The following TECRL variants were observed in gnomAD, a reference collection of about 807,000 sequenced individuals.
The protein encoded by TECRL is trans-2,3-enoyl-CoA reductase like.
In TECRL, 63 loss-of-function variants were observed where a neutral mutation model predicts 52.8. The observed-to-expected ratio is 1.19, with a 90% CI of 0.97 to 1.47. TECRL has a LOEUF of 1.47. TECRL is among the 40% of genes most tolerant of loss of function. The probability of loss-of-function intolerance (pLI) is 0.00; values close to 1 mark genes in which losing one functional copy is unlikely to be tolerated. For synonymous variants in TECRL, 164 were observed against 141.9 expected (o/e 1.16, Z -1.10); for missense variants, 482 against 429.6 (o/e 1.12, Z -1.08).
intron 2 of TECRL, among the ~76,000 whole-genome samples, chr4:64,358,036 T>A (rs1720897167): frequency 6.6e-6 from 1 of 151,606 alleles, no homozygotes; most frequent in Non-Finnish European, 1.5e-5. Flanking sequence ...CTAAATGAAG[T>A]CTCTTTTCTG....
At chr4:64,340,268 C>T (rs1719462776) in intron 2 of TECRL, among the ~76,000 whole-genome samples, 1 of 152,188 alleles carries the variant, frequency 6.6e-6, no homozygotes, top group Admixed American at 6.5e-5. Flanking sequence ...ACCCCAGCCT[C>T]TCACTCCATG....
rs115392918 is a variant in TECRL at position 64,372,269 on chromosome 4, G to A, written c.286+2903C>T. 9.6e-3 allele frequency among the ~76,000 whole-genome samples: 1,459 copies of A among 151,850 alleles called. 25 individuals carry two copies. Among genetic ancestry groups the A allele is most frequent in the African/African-American group, 0.034 (1,392 of 41,518 alleles). On this transcript the variant is annotated intron_variant, in intron 2 of 11. Coordinates refer to ENST00000381210, the MANE Select transcript of TECRL (RefSeq NM_001010874.5). ...AAGACCAACTGAGGATTTGCAGCTG[G>A]GGACATTTCATGCATTTTAGCTGCA...
rs1577837917 is a variant in TECRL, at chr4:64,305,352, T to A, written c.658-114A>T. The A allele has an allele frequency of 6.4e-6, 5 of 782,448 alleles. No homozygotes were observed. The East Asian group carries it at 1.3e-4, about 21-fold the overall frequency. The allele number at this position is 782,448 out of a possible 1,614,324, so 48.5% of individuals were successfully genotyped here. ...ACAATTTGAAACCACCACATACATT[T>A]ATATTAGACACTGCAGCATTTATAT... is the stretch of plus-strand genomic sequence containing the variant. On this transcript the variant is annotated intron_variant, in intron 6 of 11. Transcript: ENST00000381210.
At chr4:64,397,506 T>G (rs1443434109) in intron 1 of TECRL, among the ~76,000 whole-genome samples, 1 of 151,368 alleles carries the variant, frequency 6.6e-6, no homozygotes, top group Non-Finnish European at 1.5e-5. Context: ...ATTAGCACCC[T>G]TACAAAAGAG....
intron 2 of TECRL, among the ~76,000 whole-genome samples, chr4:64,362,182 C>T (rs1444924968): frequency 6.6e-6 from 1 of 152,000 alleles, no homozygotes; most frequent in East Asian, 1.9e-4. Context: ...ATGAGCAAAA[C>T]CTCAGAAATG....
intron 4 of TECRL, among the ~76,000 whole-genome samples, chr4:64,318,745 A>C (rs1271253666): frequency 6.6e-6 from 1 of 152,026 alleles, no homozygotes; most frequent in Admixed American, 6.5e-5. Context: ...AATAAAAGTT[A>C]ATAAGGACAT....
chr4:64,313,908 C>T (rs1179931105), intron 5 of TECRL, among the ~76,000 whole-genome samples: 6 of 142,876 alleles, frequency 4.2e-5, no homozygotes, highest in East Asian at 2.1e-4. Flanking sequence ...CCGAGGCGGG[C>T]GGATCACGAG....
intron 7 of TECRL, 169 bp downstream of exon 7, chr4:64,304,997 A>G: frequency 2.3e-6 from 1 of 438,708 alleles, no homozygotes; most frequent in Non-Finnish European, 4.1e-6. Flanking sequence ...AAAATATATG[A>G]GTCAAATTGG....
intron 5 of TECRL, among the ~76,000 whole-genome samples, chr4:64,311,463 C>T (rs1716994701): frequency 6.6e-6 from 1 of 152,094 alleles, no homozygotes; most frequent in Admixed American, 6.5e-5. Flanking sequence ...TATCTCTCCT[C>T]ATTTTATTGT....
At chr4:64,284,467 T>C (rs949288138) in intron 9 of TECRL, among the ~76,000 whole-genome samples, 2 of 87,376 alleles carry the variant, frequency 2.3e-5, no homozygotes, top group Admixed American at 1.3e-4. Context: ...ATACAGGGAA[T>C]ATGGTAGTGA....
intron 2 of TECRL, among the ~76,000 whole-genome samples, chr4:64,340,625 G>A (rs1349004038): frequency 1.3e-5 from 2 of 152,248 alleles, no homozygotes; most frequent in East Asian, 1.9e-4. Flanking sequence ...GGGCAGCTTG[G>A]CACTGGCATG....
rs963193872 is a variant in TECRL, at chr4:64,295,293, A to C, written c.774+4681T>G. ...TATTATTACATAATGTGAAATATGT[A>C]TTAATATTTTAATATATTTTATGAA... On this transcript the variant is annotated intron_variant, in intron 8 of 11. Coordinates refer to ENST00000381210, the MANE Select transcript of TECRL (RefSeq NM_001010874.5). Among the ~76,000 whole-genome samples the C allele has an allele frequency of 4.0e-5, 6 of 151,442 alleles. No individual in the cohort carries two copies. In the East Asian group the frequency reaches 9.7e-4, roughly 25 times the overall value.
At chr4:64,371,184 A>G (rs1187648848) in intron 2 of TECRL, among the ~76,000 whole-genome samples, 4 of 151,500 alleles carry the variant, frequency 2.6e-5, no homozygotes, top group Non-Finnish European at 4.4e-5. Context: ...ACTTTTAACT[A>G]CAAACCCAGT....
intron 1 of TECRL, among the ~76,000 whole-genome samples, chr4:64,387,620 C>T (rs973971280): frequency 3.9e-5 from 6 of 152,002 alleles, no homozygotes; most frequent in African/African-American, 1.4e-4. Context: ...ACAGTAATAT[C>T]GCATTATCAT....
At chr4:64,287,462 G>A (rs189797727) in intron 9 of TECRL, among the ~76,000 whole-genome samples, 68 of 152,134 alleles carry the variant, frequency 4.5e-4, no homozygotes, top group Admixed American at 2.1e-3. Context: ...AATTCAAGTT[G>A]ATGTTGAATG....
chr4:64,399,569 G>C lies in TECRL; in HGVS notation c.234+9549C>G, dbSNP rs577508632. On this transcript the variant is annotated intron_variant, in intron 1 of 11. Transcript: ENST00000381210. ...CCACCAGAAGCCCTGAGGCCTGGGA[G>C]AACAGAATGGTTTCCTGGGCCAGGT... Among the ~76,000 whole-genome samples, 192 of 152,258 alleles carry C rather than the reference G, an allele frequency of 1.3e-3. 6 individuals are homozygous for C. The highest frequency in any genetic ancestry group is 4.6e-4 in the African/African-American group (19 of 41,556).
At chr4:64,400,954 CATA>C (rs1481436518) in intron 1 of TECRL, among the ~76,000 whole-genome samples, 1 of 152,130 alleles carries the variant, frequency 6.6e-6, no homozygotes, top group Non-Finnish European at 1.5e-5. Context: ...TAAGGGAAAA[CATA>C]ATAAGTTTGC....
intron 6 of TECRL, among the ~76,000 whole-genome samples, chr4:64,307,300 A>G (rs371465148): frequency 7.9e-5 from 12 of 152,280 alleles, no homozygotes; most frequent in Admixed American, 2.6e-4. Context: ...TATGAAGCTC[A>G]AAAGAAGAAA....
At chr4:64,298,797 G>T (rs924813070) in intron 8 of TECRL, 3 of 150,990 alleles carry the variant, frequency 2.0e-5, no homozygotes, top group African/African-American at 7.3e-5. Context: ...CTAACAAATA[G>T]GTGGTTATTA....
Sources: gnomAD v4.1 joint callset for allele counts (sites outside exome capture counted in the v4.1 genomes callset) on GRCh38, gnomAD v4.1.1 for gene constraint, MANE v1.5 for transcripts, NCBI Gene and HGNC (gene_info 2026-07-23, HGNC 2026-07-21) for gene names.